Variants in OR6Y1 observed in about 807,000 individuals in gnomAD.
OR6Y1 encodes the protein olfactory receptor family 6 subfamily Y member 1.
OR6Y1 carries 1 observed loss-of-function variant against 0.4 expected under a neutral mutation model. The ratio of observed to expected loss-of-function variants is 2.74; its 90% confidence interval spans 0.97 to 13.02. The LOEUF (loss-of-function observed/expected upper bound fraction) is 13.02. Ranked by LOEUF, OR6Y1 falls within the 30% of genes most tolerant of loss-of-function variation. The pLI, the probability that OR6Y1 is intolerant of heterozygous loss-of-function variation, is 0.12. For synonymous variants in OR6Y1, 173 were observed against 141.1 expected (o/e 1.23, Z -1.60); for missense variants, 480 against 399.8 (o/e 1.20, Z -1.71).
At chr1:158,554,043 A>G (rs1647771677) in intron 1 of OR6Y1, among the ~76,000 whole-genome samples, 6 of 152,232 alleles carry the variant, frequency 3.9e-5, no homozygotes. Context: ...ATCTATATAT[A>G]TACTAAATTC....
chr1:158,547,370 A>C lies in OR6Y1; in HGVS notation c.736T>G (p.Cys246Gly), dbSNP rs1647572202. 1.2e-6 allele frequency: 2 copies of C among 1,613,534 alleles called. No individual in the cohort carries two copies. Among genetic ancestry groups the C allele is most frequent in the Non-Finnish European group, 8.5e-7 (1 of 1,179,996 alleles). ...AQGRQKAFST[C>G]ASHLTVVILF... Reference sequence around the variant, plus strand: ...ATTACGACGGTCAGGTGGGAGGCACAGGTGGAGAATGCCTTTTGGCGGCCC... The same window carrying C: ...ATTACGACGGTCAGGTGGGAGGCACCGGTGGAGAATGCCTTTTGGCGGCCC... Residue 246 changes from cysteine to glycine, a missense_variant, in exon 2 of 2, where the codon TGT (cysteine) becomes GGT (glycine). Cys to Gly is a radical substitution (Grantham distance 159). Transcript: ENST00000641622.
chr1:158,552,956 A>G (rs1647739411), intron 1 of OR6Y1, among the ~76,000 whole-genome samples: 1 of 152,090 alleles, frequency 6.6e-6, no homozygotes, highest in Non-Finnish European at 1.5e-5. Flanking sequence ...CTTCAGGGTG[A>G]TATGTGTAAC....
intron 1 of OR6Y1, among the ~76,000 whole-genome samples, chr1:158,553,556 A>G (rs1484059417): frequency 6.6e-6 from 1 of 151,992 alleles, no homozygotes; most frequent in South Asian, 2.1e-4. Flanking sequence ...ATATATATAC[A>G]TATTAATTAA....
intron 1 of OR6Y1, among the ~76,000 whole-genome samples, chr1:158,550,469 A>G (rs897692718): frequency 6.6e-6 from 1 of 151,432 alleles, no homozygotes; most frequent in Non-Finnish European, 1.5e-5. Context: ...AAGCAGCTTT[A>G]TCATTTGAGC....
At position 158,547,521 on chromosome 1, in the gene OR6Y1, C is replaced by A; in HGVS notation, c.585G>T (p.Glu195Asp). The change falls in exon 2 of 2, where the codon GAG (glutamate) becomes GAT (aspartate). Residue 195 changes from glutamate to aspartate, a missense_variant. Transcript: ENST00000641622. ...DISPLLNVSCEDASQAEMVDF... is the reference protein window; with the variant it reads ...DISPLLNVSCDDASQAEMVDF... ...CCACCATCTCAGCCTGTGAGGCATC[C>A]TCACAGGAGACGTTAAGGAGTGGAG... 1 of 1,613,456 alleles carries A rather than the reference C, an allele frequency of 6.2e-7. No individual in the cohort carries two copies. The highest frequency in any genetic ancestry group is 1.1e-5 in the South Asian group (1 of 91,072).
chr1:158,547,352 C>T lies in OR6Y1; in HGVS notation c.754G>A (p.Val252Ile), dbSNP rs41273491. 0.23 allele frequency: 371,948 copies of T among 1,613,180 alleles called. 45,268 individuals are homozygous for T. Among genetic ancestry groups the T allele is most frequent in the East Asian group, 0.37 (16,674 of 44,846 alleles). ...AFSTCASHLTVVILFYSMTLF... is the reference protein window; with the variant it reads ...AFSTCASHLTIVILFYSMTLF... ...GTCATGGAATAGAAGAGAATTACGA[C>T]GGTCAGGTGGGAGGCACAGGTGGAG... The change falls in exon 2 of 2, where the codon GTC (valine) becomes ATC (isoleucine). Residue 252 changes from valine to isoleucine, a missense_variant. By Grantham distance (29) the Val-to-Ile change is conservative (BLOSUM62 3). Coordinates refer to ENST00000641622, the MANE Select transcript of OR6Y1 (RefSeq NM_001005189.2).
At position 158,548,197 on chromosome 1, in the gene OR6Y1, A is replaced by G. The variant is rs546713210; in HGVS notation, c.-92T>C. The G allele has an allele frequency of 1.6e-5, 21 of 1,290,780 alleles. No homozygotes were observed. The highest frequency in any genetic ancestry group is 1.1e-6 in the Non-Finnish European group (1 of 940,964). 80.0% of individuals were successfully genotyped at this position (1,290,780 alleles called of 1,614,324 possible). ...TATTGATAGAGCCCACCACCAGCAA[A>G]TTTATCACAATAGGAGGTTTCTGCT... On this transcript the variant is annotated 5_prime_UTR_variant, in exon 2 of 2. Transcript: ENST00000641622.
At position 158,545,979 on chromosome 1, in the gene OR6Y1, G is replaced by C. The variant is rs564603993; in HGVS notation, c.*1149C>G. ...GGCCATACTCTCTCTCTCTCTTTCA[G>C]CTCTAGGCTAACATCCTTCCTTGCT... On this transcript the variant is annotated 3_prime_UTR_variant, in exon 2 of 2. Coordinates refer to ENST00000641622, the MANE Select transcript of OR6Y1 (RefSeq NM_001005189.2). 2 of 152,176 alleles carry C rather than the reference G, an allele frequency of 1.3e-5. No individual in the cohort carries two copies. Among genetic ancestry groups the C allele is most frequent in the East Asian group, 3.9e-4 (2 of 5,180 alleles). 9.4% of individuals were successfully genotyped at this position (152,176 alleles called of 1,614,324 possible).
chr1:158,551,896 A>G (rs755224405), intron 1 of OR6Y1, among the ~76,000 whole-genome samples: 12 of 152,060 alleles, frequency 7.9e-5, no homozygotes, highest in African/African-American at 1.9e-4. Flanking sequence ...CAATGTATAG[A>G]CACAAGTATT....
rs1370534425 is a variant in OR6Y1 at position 158,547,074 on chromosome 1, A to T, written c.*54T>A. 3 of 1,531,650 alleles carry T rather than the reference A, an allele frequency of 2.0e-6. No individual in the cohort carries two copies. The highest frequency in any genetic ancestry group is 2.6e-6 in the Non-Finnish European group (3 of 1,134,942). The allele number at this position is 1,531,650 out of a possible 1,614,324, so 94.9% of individuals were successfully genotyped here. ...ATAACCAAAGACAAGACTGAGGGGG[A>T]AAGTGTGTAGTGATCATCTCTCAGT... On this transcript the variant is annotated 3_prime_UTR_variant, in exon 2 of 2. Coordinates refer to ENST00000641622, the MANE Select transcript of OR6Y1 (RefSeq NM_001005189.2).
rs545631499 is a variant in OR6Y1 at position 158,549,513 on chromosome 1, C to T, written c.-1408G>A. On this transcript the variant is annotated 5_prime_UTR_variant, in exon 2 of 2. Transcript: ENST00000641622. ...TGCCCATACTATCCATTTCCTCTTC[C>T]CACTTAGATTTCAGCTTTAGATTCC... 2.6e-5 allele frequency: 4 copies of T among 151,456 alleles called. No homozygotes were observed. Among genetic ancestry groups the T allele is most frequent in the African/African-American group, 9.8e-5 (4 of 40,878 alleles). The allele number at this position is 151,456 out of a possible 1,614,324, so 9.4% of individuals were successfully genotyped here. A position where few individuals can be genotyped will look rare whatever the true frequency, so the allele number is the denominator to read the frequency against.
chr1:158,550,920 A>G (rs1264301601), intron 1 of OR6Y1, among the ~76,000 whole-genome samples: 1 of 151,924 alleles, frequency 6.6e-6, no homozygotes, highest in East Asian at 1.9e-4. Context: ...CATTCACATC[A>G]TTCTATCTGA....
intron 1 of OR6Y1, among the ~76,000 whole-genome samples, chr1:158,550,435 A>C: frequency 6.6e-6 from 1 of 151,448 alleles, no homozygotes; most frequent in Non-Finnish European, 1.5e-5. Context: ...GTGAGTATAC[A>C]GTATATATAA....
At chr1:158,553,450 GT>G (rs1032253188) in intron 1 of OR6Y1, among the ~76,000 whole-genome samples, 87 of 152,190 alleles carry the variant, frequency 5.7e-4, no homozygotes, top group African/African-American at 2.0e-3. Flanking sequence ...AATTGTCAAT[GT>G]TTGAGATGAT....
rs771617005 is a variant in OR6Y1 at position 158,547,848 on chromosome 1, C to T, written c.258G>A (p.Met86Ile). The T allele has an allele frequency of 1.2e-6, 2 of 1,613,452 alleles. No homozygotes were observed. Among genetic ancestry groups the T allele is most frequent in the East Asian group, 4.5e-5 (2 of 44,880 alleles). The change falls in exon 2 of 2, where the codon ATG becomes ATA. Residue 86 changes from methionine to isoleucine, a missense_variant. Physicochemically the swap from Met to Ile is conservative, Grantham distance 10 (BLOSUM62 1). Coordinates refer to ENST00000641622, the MANE Select transcript of OR6Y1 (RefSeq NM_001005189.2). ...TGTCATGACTGAGGAAGTCAACAAG[C>T]ATCTTGGGGCTGATGACTGTGACAT... ...MWYVTVISPK[M>I]LVDFLSHDKS...
In OR6Y1 at chr1:158,547,637, C is replaced by A; in HGVS notation, c.469G>T (p.Gly157Ter). The A allele has an allele frequency of 6.2e-7, 1 of 1,613,260 alleles. No homozygotes were observed. The highest frequency in any genetic ancestry group is 1.1e-5 in the South Asian group (1 of 91,066). The change falls in exon 2 of 2, where the codon GGA becomes TGA. Residue 157 changes from glycine to a stop codon, truncating the protein, a stop_gained. Transcript: ENST00000641622. LOFTEE classifies it low-confidence loss of function (END_TRUNC). ...ATCTTAATCATGGCAGTCATGAGTC[C>A]ACAGAACCAGCATCCTCCAGCCAGT... ...GTLAGGCWFC[G>*]LMTAMIKMVF...
chr1:158,548,062 G>A lies in OR6Y1; in HGVS notation c.44C>T (p.Thr15Ile), dbSNP rs777601393. ...ILEVDNHTVT[T>I]RFILLGFPTR... ...TGGAAACCCCAGAAGAATGAAACGT[G>A]TTGTCACTGTATGATTATCTACTTC... is the stretch of plus-strand genomic sequence containing the variant. Residue 15 changes from threonine to isoleucine, a missense_variant, in exon 2 of 2, where the codon ACA (threonine) becomes ATA (isoleucine). Thr to Ile is a moderately conservative substitution (Grantham distance 89, BLOSUM62 -1). Transcript: ENST00000641622. 6.2e-7 allele frequency: 1 copy of A among 1,613,336 alleles called. No homozygotes were observed.
chr1:158,550,909 A>C (rs1055397369), intron 1 of OR6Y1, among the ~76,000 whole-genome samples: 1 of 151,926 alleles, frequency 6.6e-6, no homozygotes, highest in Non-Finnish European at 1.5e-5. Context: ...ATGTGAAAGC[A>C]CATTCACATC....
rs1557894973 is a variant in OR6Y1, at chr1:158,546,899, C to T, written c.*229G>A. 2.6e-6 allele frequency: 1 copy of T among 377,740 alleles called. No individual in the cohort carries two copies. Among genetic ancestry groups the T allele is most frequent in the Non-Finnish European group, 4.8e-6 (1 of 209,858 alleles). The allele number at this position is 377,740 out of a possible 1,614,324, so 23.4% of individuals were successfully genotyped here. Reference sequence around the variant, plus strand: ...TGTGTTTCTTCCTGATTTCAAATAGCTTTTCTAACATTTTAAAACTTGTCT... The same window carrying T: ...TGTGTTTCTTCCTGATTTCAAATAGTTTTTCTAACATTTTAAAACTTGTCT... On this transcript the variant is annotated 3_prime_UTR_variant, in exon 2 of 2. Transcript: ENST00000641622.
Sources: gnomAD v4.1 joint callset for allele counts (sites outside exome capture counted in the v4.1 genomes callset) on GRCh38, gnomAD v4.1.1 for gene constraint, MANE v1.5 for transcripts, NCBI Gene and HGNC (gene_info 2026-07-23, HGNC 2026-07-21) for gene names.